The following CDH12 variants were observed in gnomAD, a reference collection of about 807,000 sequenced individuals.
The protein encoded by CDH12 is cadherin 12.
A neutral mutation model predicts 74.1 loss-of-function variants in CDH12; 41 were observed. The observed-to-expected ratio is 0.55, with a 90% CI of 0.43 to 0.72. CDH12 has a LOEUF of 0.72. CDH12 is among the 30% of genes least tolerant of loss of function. CDH12 has a pLI of 0.00. For missense variants in CDH12, 945 were observed against 977.2 expected, an observed-to-expected ratio of 0.97 and a Z score of 0.44; for synonymous variants, 399 against 355.0, an observed-to-expected ratio of 1.12 and a Z score of -1.39.
chr5:21,940,841 TTCTC>T (rs4028788), intron 6 of CDH12, among the ~76,000 whole-genome samples: 14 of 150,952 alleles, frequency 9.3e-5, no homozygotes, highest in Non-Finnish European at 5.9e-5. Context: ...TTCTCTCTGT[TTCTC>T]TCTCTCTCTC....
intron 4 of CDH12, among the ~76,000 whole-genome samples, chr5:22,194,768 A>G (rs1750527482): frequency 2.6e-5 from 4 of 152,196 alleles, no homozygotes; most frequent in Admixed American, 2.6e-4. Context: ...CTTTCCCTGT[A>G]GCTACAATTT....
intron 6 of CDH12, among the ~76,000 whole-genome samples, chr5:21,938,811 A>G (rs1755196827): frequency 1.4e-5 from 2 of 146,612 alleles, no homozygotes; most frequent in South Asian, 4.3e-4. Flanking sequence ...AAGGACTTCA[A>G]TTTTTACCAG....
At chr5:21,786,375 A>G (rs1478641842) in intron 10 of CDH12, among the ~76,000 whole-genome samples, 1 of 152,114 alleles carries the variant, frequency 6.6e-6, no homozygotes, top group Non-Finnish European at 1.5e-5. Context: ...GCTAGTCTCA[A>G]ACTCAAGACC....
At chr5:22,048,161 T>C (rs1246340068) in intron 5 of CDH12, among the ~76,000 whole-genome samples, 2 of 152,140 alleles carry the variant, frequency 1.3e-5, no homozygotes, top group African/African-American at 4.8e-5. Context: ...GTAGAAGTCT[T>C]TTTTCTTTCT....
chr5:22,604,769 A>G (rs1019187507), intron 1 of CDH12, among the ~76,000 whole-genome samples: 1 of 152,192 alleles, frequency 6.6e-6, no homozygotes, highest in African/African-American at 2.4e-5. Flanking sequence ...CCACCTGGTG[A>G]CACAGTTGCA....
intron 1 of CDH12, among the ~76,000 whole-genome samples, chr5:22,788,630 G>C (rs941378821): frequency 6.8e-6 from 1 of 147,248 alleles, no homozygotes; most frequent in Non-Finnish European, 1.5e-5. Flanking sequence ...AATACAATAT[G>C]TAACTGTAAT....
chr5:22,317,342 C>T (rs1433677622), intron 3 of CDH12, among the ~76,000 whole-genome samples: 1 of 151,650 alleles, frequency 6.6e-6, no homozygotes, highest in Admixed American at 6.6e-5. Context: ...AAAATTAAGC[C>T]TAAAATATTT....
chr5:22,196,674 T>C (rs1750636636), intron 4 of CDH12, among the ~76,000 whole-genome samples: 1 of 152,166 alleles, frequency 6.6e-6, no homozygotes, highest in African/African-American at 2.4e-5. Context: ...TATTCTAACA[T>C]GTGCATCAGG....
intron 3 of CDH12, among the ~76,000 whole-genome samples, chr5:22,232,302 T>A (rs1000487895): frequency 1.4e-4 from 21 of 152,068 alleles, no homozygotes; most frequent in African/African-American, 3.8e-4. Context: ...ATGATTTTTT[T>A]AAAAGCTGTT....
At chr5:22,471,589 T>C (rs1056152639) in intron 2 of CDH12, among the ~76,000 whole-genome samples, 2 of 152,220 alleles carry the variant, frequency 1.3e-5, no homozygotes, top group Admixed American at 6.5e-5. Context: ...AAAAACTGTA[T>C]CTTCTGTCTC....
At chr5:22,607,101 C>A (rs922321043) in intron 1 of CDH12, among the ~76,000 whole-genome samples, 1 of 151,998 alleles carries the variant, frequency 6.6e-6, no homozygotes, top group Non-Finnish European at 1.5e-5. Flanking sequence ...TTCTAAGCAG[C>A]AAAGCTTTCA....
intron 1 of CDH12, among the ~76,000 whole-genome samples, chr5:22,798,647 A>C (rs1257072168): frequency 6.6e-6 from 1 of 152,136 alleles, no homozygotes; most frequent in African/African-American, 2.4e-5. Flanking sequence ...ATTCATATAT[A>C]ATCTAATGAA....
intron 1 of CDH12, among the ~76,000 whole-genome samples, chr5:22,708,389 G>A (rs1743126886): frequency 6.6e-6 from 1 of 152,150 alleles, no homozygotes; most frequent in African/African-American, 2.4e-5. Context: ...TAAAGTCTTT[G>A]CAGTTGTGCT....
At chr5:21,833,785 G>A (rs1391392602) in intron 8 of CDH12, among the ~76,000 whole-genome samples, 1 of 151,710 alleles carries the variant, frequency 6.6e-6, no homozygotes, top group African/African-American at 2.4e-5. Context: ...TCCAAGCTAT[G>A]TCAGTTGAAA....
chr5:22,647,647 C>T (rs1739516128), intron 1 of CDH12, among the ~76,000 whole-genome samples: 1 of 151,858 alleles, frequency 6.6e-6, no homozygotes, highest in Middle Eastern at 3.4e-3. Context: ...CTTATGACTT[C>T]ATTTAACTTT....
At chr5:22,628,475 A>C (rs1347453524) in intron 1 of CDH12, among the ~76,000 whole-genome samples, 1 of 152,162 alleles carries the variant, frequency 6.6e-6, no homozygotes, top group Non-Finnish European at 1.5e-5. Flanking sequence ...CATGGAAATT[A>C]AACAATCTGC....
chr5:22,650,700 C>A lies in CDH12; in HGVS notation c.-522-145336G>T, dbSNP rs577739594. 5.3e-5 allele frequency among the ~76,000 whole-genome samples: 8 copies of A among 152,092 alleles called. No individual in the cohort carries two copies. The East Asian group carries it at 1.6e-3, about 29-fold the overall frequency. On this transcript the variant is annotated intron_variant, in intron 1 of 14. Coordinates refer to ENST00000382254, the MANE Select transcript of CDH12 (RefSeq NM_004061.5). ...CACTTCATCCATGAGAAAGAGATAA[C>A]AAGTGCAAAATGATATTGGGTAATG...
intron 1 of CDH12, among the ~76,000 whole-genome samples, chr5:22,544,892 C>A (rs1356543025): frequency 6.6e-6 from 1 of 151,944 alleles, no homozygotes; most frequent in Non-Finnish European, 1.5e-5. Flanking sequence ...ATCTGTGTCC[C>A]ACTGAAAGAA....
intron 1 of CDH12, among the ~76,000 whole-genome samples, chr5:22,675,075 C>A (rs1294100515): frequency 6.6e-6 from 1 of 152,088 alleles, no homozygotes; most frequent in Non-Finnish European, 1.5e-5. Flanking sequence ...TGTTAATCAC[C>A]AAGACAATGG....
Sources: allele counts gnomAD v4.1 joint callset (sites outside exome capture counted in the v4.1 genomes callset), GRCh38; gene constraint gnomAD v4.1.1; transcripts MANE v1.5; gene names NCBI Gene and HGNC (gene_info 2026-07-23, HGNC 2026-07-21).